The following SEPTIN11 variants were observed in gnomAD, a reference collection of about 807,000 sequenced individuals.
SEPTIN11 encodes the protein septin 11.
In SEPTIN11, 25 loss-of-function variants were observed where a neutral mutation model predicts 51.4. That is an observed-to-expected ratio of 0.49 (90% CI 0.35 to 0.68). SEPTIN11 has a LOEUF of 0.68. Among genes scored for constraint, SEPTIN11 ranks in the 30% least tolerant of loss-of-function variants. SEPTIN11 has a pLI of 0.00. For synonymous variants in SEPTIN11, 174 were observed against 184.1 expected, an observed-to-expected ratio of 0.95 and a Z score of 0.44; for missense variants, 381 against 520.8, an observed-to-expected ratio of 0.73 and a Z score of 2.61.
intron 2 of SEPTIN11, among the ~76,000 whole-genome samples, chr4:77,003,944 G>A (rs1724302065): frequency 2.6e-5 from 4 of 152,092 alleles, no homozygotes; most frequent in Admixed American, 2.6e-4. Flanking sequence ...TTTAAATTGA[G>A]CTGGAAATCT....
chr4:77,006,729 A>T (rs528899985), intron 3 of SEPTIN11, among the ~76,000 whole-genome samples: 1 of 152,238 alleles, frequency 6.6e-6, no homozygotes, highest in Admixed American at 6.5e-5. Context: ...TGCTTGTATC[A>T]GGATTTTTTC....
intron 2 of SEPTIN11, among the ~76,000 whole-genome samples, chr4:77,002,524 G>C (rs1056379552): frequency 6.6e-5 from 10 of 152,158 alleles, no homozygotes; most frequent in Admixed American, 3.3e-4. Flanking sequence ...TCTAAAAATA[G>C]GTAAATCCTG....
At chr4:77,033,188 A>C (rs1215187416) in intron 9 of SEPTIN11, among the ~76,000 whole-genome samples, 1 of 151,964 alleles carries the variant, frequency 6.6e-6, no homozygotes, top group Non-Finnish European at 1.5e-5. Context: ...TCTTACTGCC[A>C]GTGGTAGTGG....
rs1393360339 is a variant in SEPTIN11 at position 76,957,746 on chromosome 4, C to A, written c.27+7816C>A. ...CTTCCCATTTTCTAATCATAGCACA[C>A]CTTAGAGGCACGGATCAAGCATACC... On this transcript the variant is annotated intron_variant, in intron 1 of 9. Transcript: ENST00000264893. 2.6e-5 allele frequency among the ~76,000 whole-genome samples: 4 copies of A among 152,052 alleles called. No homozygotes were observed. In the East Asian group the frequency reaches 7.7e-4, roughly 29 times the overall value.
chr4:77,026,659 C>T (rs1233339788), intron 7 of SEPTIN11, among the ~76,000 whole-genome samples: 1 of 152,176 alleles, frequency 6.6e-6, no homozygotes, highest in Non-Finnish European at 1.5e-5. Context: ...CTGGAATACA[C>T]TTTCGGTGGT....
Position 77,036,022 on chromosome 4 carries a change from C to CT in SEPTIN11, c.*1513dup, listed in dbSNP as rs1204245038. 29 of 985,814 alleles carry CT rather than the reference C, an allele frequency of 2.9e-5. No individual in the cohort carries two copies. Among genetic ancestry groups the CT allele is most frequent in the Non-Finnish European group, 3.3e-5 (27 of 829,986 alleles). The allele number at this position is 985,814 out of a possible 1,614,324, so 61.1% of individuals were successfully genotyped here. A position where few individuals can be genotyped will look rare whatever the true frequency, so the allele number is the denominator to read the frequency against. On this transcript the variant is annotated 3_prime_UTR_variant, in exon 10 of 10. Transcript: ENST00000264893. ...TATGCTGCGTCTCCCCTGACACACA[C>CT]TTTCTTTTTTGAATGAGCAAGTCTC...
At chr4:77,008,678 TTG>T (rs527948505) in intron 3 of SEPTIN11, among the ~76,000 whole-genome samples, 1 of 152,132 alleles carries the variant, frequency 6.6e-6, no homozygotes, top group Non-Finnish European at 1.5e-5. Context: ...TCTGTCATTT[TTG>T]TGTGTGTGTA....
chr4:77,016,564 T>C (rs1725247212), intron 5 of SEPTIN11, among the ~76,000 whole-genome samples: 1 of 139,616 alleles, frequency 7.2e-6, no homozygotes, highest in Non-Finnish European at 1.5e-5. Context: ...ATATTATATA[T>C]GCTAAAATAT....
chr4:77,033,588 T>C (rs1485181545), intron 9 of SEPTIN11, among the ~76,000 whole-genome samples: 1 of 152,192 alleles, frequency 6.6e-6, no homozygotes, highest in Non-Finnish European at 1.5e-5. Flanking sequence ...CCTTCTGCCA[T>C]CTCTGGCCAC....
intron 1 of SEPTIN11, among the ~76,000 whole-genome samples, chr4:76,973,597 C>T (rs2109904812): frequency 6.6e-6 from 1 of 152,350 alleles, no homozygotes; most frequent in South Asian, 2.1e-4. Flanking sequence ...TTGTCTACTA[C>T]TTTTTGTATG....
intron 1 of SEPTIN11, among the ~76,000 whole-genome samples, chr4:76,974,254 G>A (rs1328364492): frequency 6.6e-6 from 1 of 152,038 alleles, no homozygotes; most frequent in Non-Finnish European, 1.5e-5. Flanking sequence ...TTTTCCTGTT[G>A]TCCTCTTTCT....
intron 5 of SEPTIN11, among the ~76,000 whole-genome samples, chr4:77,016,168 G>A (rs1439861333): frequency 1.3e-5 from 2 of 152,058 alleles, no homozygotes; most frequent in Non-Finnish European, 2.9e-5. Flanking sequence ...CATTTCTGGA[G>A]CATTTACTAT....
At chr4:77,028,587 A>T in intron 7 of SEPTIN11, 42 bp from the exon 8 acceptor site, 1 of 1,540,100 alleles carries the variant, frequency 6.5e-7, no homozygotes. Context: ...TTCTTAGTAT[A>T]CAATTTCATG....
chr4:77,019,306 A>G (rs555181957), intron 6 of SEPTIN11, 45 bp downstream of exon 6: 4 of 1,479,056 alleles, frequency 2.7e-6, no homozygotes, highest in Admixed American at 2.0e-5. Context: ...TTTAGCCCCT[A>G]TGTGAATGGC....
At chr4:77,015,902 C>G (rs938972536) in intron 5 of SEPTIN11, among the ~76,000 whole-genome samples, 1 of 152,114 alleles carries the variant, frequency 6.6e-6, no homozygotes, top group African/African-American at 2.4e-5. Context: ...GGGTTTTGGT[C>G]CCATTACGAA....
At position 76,996,495 on chromosome 4, in the gene SEPTIN11, A is replaced by G; in HGVS notation, c.98A>G (p.Asn33Ser). 6.2e-7 allele frequency: 1 copy of G among 1,614,110 alleles called. No homozygotes were observed. Residue 33 changes from asparagine to serine, a missense_variant, in exon 2 of 10, where the codon AAC becomes AGC. By Grantham distance (46) the Asn-to-Ser change is conservative. Around this residue, in one of 2 missense-constraint regions of SEPTIN11, gnomAD observed 184 missense variants for 207.7 expected, o/e 0.89. Coordinates refer to ENST00000264893, the MANE Select transcript of SEPTIN11 (RefSeq NM_018243.4). ...GACAGCCTCCCTGACCAGCTGGTCAACAAGTCTACTTCTCAAGGATTCTGT... is the reference window on the plus strand; with the variant it reads ...GACAGCCTCCCTGACCAGCTGGTCAGCAAGTCTACTTCTCAAGGATTCTGT... ...GFDSLPDQLV[N>S]KSTSQGFCFN...
chr4:76,982,948 T>G (rs1722838836), intron 1 of SEPTIN11, among the ~76,000 whole-genome samples: 4 of 152,018 alleles, frequency 2.6e-5, no homozygotes, highest in Admixed American at 2.6e-4. Flanking sequence ...TTGTTTTTTG[T>G]TTTTGTTTTT....
chr4:77,023,281 C>A (rs1451625155), intron 7 of SEPTIN11, among the ~76,000 whole-genome samples: 1 of 147,270 alleles, frequency 6.8e-6, no homozygotes, highest in Non-Finnish European at 1.5e-5. Flanking sequence ...CACACACACA[C>A]ACACACACAC....
At chr4:76,957,877 A>G (rs1249476828) in intron 1 of SEPTIN11, among the ~76,000 whole-genome samples, 1 of 152,076 alleles carries the variant, frequency 6.6e-6, no homozygotes, top group Non-Finnish European at 1.5e-5. Context: ...TGGAGTCCCC[A>G]CCCCACCTTT....
Sources: gnomAD v4.1 joint callset for allele counts (sites outside exome capture counted in the v4.1 genomes callset) on GRCh38, gnomAD v4.1.1 for gene constraint, gnomAD v4.1.1 regional missense constraint, MANE v1.5 for transcripts, NCBI Gene and HGNC (gene_info 2026-07-23, HGNC 2026-07-21) for gene names.